The following RAB40A variants were observed in gnomAD, a reference collection of about 807,000 sequenced individuals.
RAB40A encodes ras-related protein Rab-40A.
For synonymous variants in RAB40A, 65 were observed against 99.9 expected (o/e 0.65, Z 2.08); for missense variants, 145 against 230.2 (o/e 0.63, Z 2.40).
chrX:103,514,216 C>T (rs1158006908), intron 2 of RAB40A, among the ~76,000 whole-genome samples: 1 of 111,467 alleles, frequency 9.0e-6, no homozygotes, highest in Non-Finnish European at 1.9e-5. Flanking sequence ...ATAAAACACG[C>T]AACAAAATAA....
chrX:103,499,703 G>A lies in RAB40A; in HGVS notation c.*220C>T, dbSNP rs1451533173. On this transcript the variant is annotated 3_prime_UTR_variant, in exon 3 of 3. Coordinates refer to ENST00000304236, the MANE Select transcript of RAB40A (RefSeq NM_080879.3). ...ACTAATTTCCCCTTTATAAACACAC[G>A]TTTAAAACAAGAGCTTCATGCACAT... The A allele has an allele frequency of 6.4e-6, 3 of 468,846 alleles. No individual in the cohort carries two copies. Among genetic ancestry groups the A allele is most frequent in the Non-Finnish European group, 7.5e-6 (2 of 267,817 alleles). The allele number at this position is 468,846 out of a possible 1,213,427, so 38.6% of individuals were successfully genotyped here.
rs1019388530 is a variant in RAB40A at position 103,502,625 on chromosome X, C to A, written c.-70-1799G>T. 6.9e-6 allele frequency: 4 copies of A among 580,983 alleles called. No individual in the cohort carries two copies. The African/African-American group carries it at 1.0e-4, about 15-fold the overall frequency. The allele number at this position is 580,983 out of a possible 1,213,427, so 47.9% of individuals were successfully genotyped here. On this transcript the variant is annotated intron_variant, in intron 2 of 2. Transcript: ENST00000304236. Reference sequence around the variant, plus strand: ...CCCAGAGGGGTTGTGGAGTGGGGGACCCATGGGGCCACAATAGCAGGGGAG... The same window carrying A: ...CCCAGAGGGGTTGTGGAGTGGGGGAACCATGGGGCCACAATAGCAGGGGAG...
In RAB40A at chrX:103,500,461, C is replaced by T. The variant is rs763629323; in HGVS notation, c.296G>A (p.Arg99His). ...TCGATCCATACCCTCGAAAGACCAG[C>T]GGTTTGCAATGTCGTAGACCAGGAT... The part of the protein sequence containing the change: ...GVILVYDIAN[R>H]WSFEGMDRWI... The change falls in exon 3 of 3, where the codon CGC becomes CAC. Residue 99 changes from arginine to histidine, a missense_variant. By Grantham distance (29) the Arg-to-His change is conservative. Transcript: ENST00000304236. 1 of 1,210,885 alleles carries T rather than the reference C, an allele frequency of 8.3e-7. No individual in the cohort carries two copies. Among genetic ancestry groups the T allele is most frequent in the Non-Finnish European group, 1.1e-6 (1 of 894,961 alleles).
At position 103,508,432 on chromosome X, in the gene RAB40A, T is replaced by C. The variant is rs190037594; in HGVS notation, c.-70-7606A>G. Among the ~76,000 whole-genome samples the C allele has an allele frequency of 2.2e-3, 242 of 112,047 alleles. 1 individual carries two copies. The highest frequency in any genetic ancestry group is 2.7e-3 in the Non-Finnish European group (142 of 53,169). ...TGAAATGGGACTGACCATACCATTC[T>C]TACTGAGCTGTATGAGGGGTTAATG... is the stretch of plus-strand genomic sequence containing the variant. On this transcript the variant is annotated intron_variant, in intron 2 of 2. Transcript: ENST00000304236.
downstream of RAB40A, chrX:103,497,437 CTG>C (rs1469841407): frequency 1.8e-5 from 2 of 111,991 alleles, no homozygotes; most frequent in African/African-American, 6.5e-5. Flanking sequence ...TCTTCCAGCA[CTG>C]AGCTCCTCAC....
At chrX:103,514,144 G>A (rs1453159293) in intron 2 of RAB40A, among the ~76,000 whole-genome samples, 1 of 111,123 alleles carries the variant, frequency 9.0e-6, no homozygotes, top group African/African-American at 3.3e-5. Context: ...GATATGAATG[G>A]GTATTTGTTC....
the RAB40A span, among the ~76,000 whole-genome samples, chrX:103,493,332 G>C: frequency 9.0e-6 from 1 of 110,630 alleles, no homozygotes. Flanking sequence ...TATTTTTGGG[G>C]ATACATGAGA....
In RAB40A at chrX:103,500,200, G is replaced by A. The variant is rs1166826409; in HGVS notation, c.557C>T (p.Pro186Leu). The change falls in exon 3 of 3, where the codon CCG (proline) becomes CTG (leucine). Residue 186 changes from proline to leucine, a missense_variant. Coordinates refer to ENST00000304236, the MANE Select transcript of RAB40A (RefSeq NM_080879.3). ...GTCTTGCAAGCTCAGTACCTTGCTC[G>A]GCCTCCCGAGCCAATTCATCCTGTG... Reference protein sequence around the residue: ...LRHRMNWLGRPSKVLSLQDLC... With the variant: ...LRHRMNWLGRLSKVLSLQDLC... 2 of 1,209,560 alleles carry A rather than the reference G, an allele frequency of 1.7e-6. No homozygotes were observed. Among genetic ancestry groups the A allele is most frequent in the Non-Finnish European group, 1.1e-6 (1 of 894,738 alleles).
chrX:103,511,502 CAAAAAAAAAGAAA>C (rs2073289671), intron 2 of RAB40A, among the ~76,000 whole-genome samples: 1 of 79,226 alleles, frequency 1.3e-5, no homozygotes, highest in Non-Finnish European at 2.3e-5. Flanking sequence ...GACTCCGTCT[CAAAAAAAAAGAAA>C]AAAAAAAAAG....
intron 2 of RAB40A, among the ~76,000 whole-genome samples, chrX:103,504,187 G>C (rs1182999473): frequency 2.7e-5 from 3 of 111,165 alleles, no homozygotes; most frequent in Non-Finnish European, 5.7e-5. Flanking sequence ...CTGGAGGAGT[G>C]GGGAGAGGTG....
chrX:103,504,474 T>C (rs2073244431), intron 2 of RAB40A, among the ~76,000 whole-genome samples: 1 of 111,693 alleles, frequency 9.0e-6, no homozygotes. Flanking sequence ...TTCTTTCAGG[T>C]CCATTTCATT....
chrX:103,519,164 G>A (rs1277932711), intron 1 of RAB40A, among the ~76,000 whole-genome samples: 1 of 111,403 alleles, frequency 9.0e-6, no homozygotes, highest in Non-Finnish European at 1.9e-5. Context: ...ATTGAATCAA[G>A]CCTCTGAATC....
the RAB40A span, among the ~76,000 whole-genome samples, chrX:103,494,102 G>T: frequency 8.9e-6 from 1 of 111,936 alleles, no homozygotes; most frequent in African/African-American, 3.2e-5. Context: ...ATTTGTTATT[G>T]CCTGTCTTTT....
At chrX:103,493,555 A>G in the RAB40A span, among the ~76,000 whole-genome samples, 1 of 111,203 alleles carries the variant, frequency 9.0e-6, no homozygotes, top group Admixed American at 9.6e-5. Flanking sequence ...ATACTCATTA[A>G]CCATATGCAC....
downstream of RAB40A, chrX:103,497,485 A>C (rs911221687): frequency 2.7e-5 from 3 of 111,961 alleles, no homozygotes; most frequent in African/African-American, 9.8e-5. Context: ...GTGTCTGAGA[A>C]GATGCAGCTT....
rs2073231913 is a variant in RAB40A at position 103,502,192 on chromosome X, T to A, written c.-70-1366A>T. The A allele has an allele frequency of 3.3e-5, 4 of 121,273 alleles. No homozygotes were observed. In the South Asian group the frequency reaches 1.6e-3, roughly 48 times the overall value. The allele number at this position is 121,273 out of a possible 1,213,427, so 10.0% of individuals were successfully genotyped here. A position where few individuals can be genotyped will look rare whatever the true frequency, so the allele number is the denominator to read the frequency against. ...AATACTCATCAATACAGAACAAACG[T>A]GAATAAAGGATAAGAAAAACATTTC... On this transcript the variant is annotated intron_variant, in intron 2 of 2. Coordinates refer to ENST00000304236, the MANE Select transcript of RAB40A (RefSeq NM_080879.3).
the RAB40A span, among the ~76,000 whole-genome samples, chrX:103,493,334 T>A: frequency 4.5e-5 from 5 of 111,548 alleles, no homozygotes; most frequent in Non-Finnish European, 9.4e-5. Context: ...TTTTTGGGGA[T>A]ACATGAGATT....
downstream of RAB40A, among the ~76,000 whole-genome samples, chrX:103,494,536 T>C (rs111783392): frequency 1.3e-4 from 15 of 112,169 alleles, no homozygotes; most frequent in African/African-American, 4.8e-4. Flanking sequence ...TTCCCCAAAG[T>C]CTTGTAGTTT....
At chrX:103,506,797 C>T (rs765753204) in intron 2 of RAB40A, among the ~76,000 whole-genome samples, 8 of 111,836 alleles carry the variant, frequency 7.2e-5, no homozygotes, top group Non-Finnish European at 1.5e-4. Context: ...CACCTTCACA[C>T]ACAGTCTTCT....
Sources: gnomAD v4.1 joint callset for allele counts (sites outside exome capture counted in the v4.1 genomes callset) on GRCh38, gnomAD v4.1.1 for gene constraint, MANE v1.5 for transcripts, NCBI Gene and HGNC (gene_info 2026-07-23, HGNC 2026-07-21) for gene names.